The following BCL2L14 variants were observed in gnomAD, a reference collection of about 807,000 sequenced individuals.
BCL2L14 encodes the protein BCL2 like 14.
BCL2L14 carries 27 observed loss-of-function variants against 35.3 expected under a neutral mutation model. That is an observed-to-expected ratio of 0.76 (90% CI 0.56 to 1.05). The LOEUF (loss-of-function observed/expected upper bound fraction) is 1.05, where lower values mean the gene tolerates loss of function less well. Among genes scored for constraint, BCL2L14 ranks in the 50% least tolerant of loss-of-function variants. The pLI is 0.00. For synonymous variants in BCL2L14, 139 were observed against 145.9 expected, an observed-to-expected ratio of 0.95 and a Z score of 0.34; for missense variants, 377 against 382.6, an observed-to-expected ratio of 0.99 and a Z score of 0.12.
intron 5 of BCL2L14, chr12:12,096,324 T>A (rs1949310627): frequency 3.7e-6 from 1 of 267,910 alleles, no homozygotes; most frequent in African/African-American, 2.3e-5. Flanking sequence ...ATACCATAAA[T>A]ATGCTATTAA....
intron 2 of BCL2L14, chr12:12,054,962 G>C (rs949827759): frequency 7.5e-5 from 9 of 120,106 alleles, no homozygotes; most frequent in African/African-American, 2.6e-4. Context: ...AAAAAAAAAA[G>C]AATAAAGAAA....
At chr12:12,089,014 G>C (rs772225011) in intron 3 of BCL2L14, among the ~76,000 whole-genome samples, 29 of 152,238 alleles carry the variant, frequency 1.9e-4, no homozygotes, top group Non-Finnish European at 2.2e-4. Flanking sequence ...AGCTGTGCCA[G>C]CAACTTTCCC....
intron 1 of BCL2L14, among the ~76,000 whole-genome samples, chr12:12,075,006 A>G (rs1948748656): frequency 6.6e-6 from 1 of 152,126 alleles, no homozygotes; most frequent in South Asian, 2.1e-4. Flanking sequence ...GTTCTCTATC[A>G]TCTCAAAGAT....
intron 3 of BCL2L14, 111 bp from the exon 4 acceptor site, chr12:12,090,668 C>A: frequency 9.2e-6 from 6 of 652,814 alleles, no homozygotes; most frequent in South Asian, 2.5e-5. Flanking sequence ...AAAGAATTAG[C>A]ATGCCTCTTC....
chr12:12,075,363 G>T lies in BCL2L14; in HGVS notation c.-7-3936G>T, dbSNP rs548379139. On this transcript the variant is annotated intron_variant, in intron 1 of 5. Transcript: ENST00000308721. Reference sequence around the variant, plus strand: ...CTCTTGAACTCCTGCCTCCCAAAGTGCTGGGATTACAGGCGTGAACGATTG... The same window carrying T: ...CTCTTGAACTCCTGCCTCCCAAAGTTCTGGGATTACAGGCGTGAACGATTG... Among the ~76,000 whole-genome samples, 45 of 151,938 alleles carry T rather than the reference G, an allele frequency of 3.0e-4. 1 individual carries two copies. The highest frequency in any genetic ancestry group is 1.2e-3 in the Admixed American group (19 of 15,234).
intron 4 of BCL2L14, 149 bp from the exon 5 acceptor site, chr12:12,094,515 C>T (rs1225244363): frequency 2.6e-5 from 42 of 1,614,112 alleles, no homozygotes; most frequent in Non-Finnish European, 3.4e-5. Context: ...CTGCAGGACA[C>T]TGCCTTCATC....
chr12:12,094,213 T>G (rs1488971078), intron 4 of BCL2L14, among the ~76,000 whole-genome samples: 1 of 152,184 alleles, frequency 6.6e-6, no homozygotes, highest in Admixed American at 6.5e-5. Context: ...TCCCCAAGAT[T>G]GCATAGCTAA....
At chr12:12,073,027 C>T (rs1053491720) in intron 1 of BCL2L14, among the ~76,000 whole-genome samples, 4 of 152,120 alleles carry the variant, frequency 2.6e-5, no homozygotes, top group East Asian at 1.9e-4. Flanking sequence ...GCTGGGACTG[C>T]AGGTGCACAC....
chr12:12,087,591 C>T (rs1410543216), intron 3 of BCL2L14, among the ~76,000 whole-genome samples: 1 of 152,228 alleles, frequency 6.6e-6, no homozygotes, highest in Non-Finnish European at 1.5e-5. Context: ...AAAAACATTC[C>T]CAGCTCTCTG....
intron 4 of BCL2L14, 45 bp downstream of exon 4, chr12:12,090,894 C>A (rs2287156): frequency 0.026 from 37,302 of 1,449,508 alleles, 908 homozygotes; most frequent in African/African-American, 0.12. Context: ...TGTGCCCATG[C>A]ACTAGTACAC....
Position 12,051,795 on chromosome 12 carries a change from G to C in BCL2L14, c.-323-1G>C, listed in dbSNP as rs543460049. On this transcript the variant is annotated splice_acceptor_variant, in intron 1 of 3. Coordinates refer to the BCL2L14 transcript ENST00000461264. LOFTEE classifies it low-confidence loss of function (5UTR_SPLICE). ...GCGAATATTATCTCCTTGCTCTTTA[G>C]GCAAACAGGGTGAAGACAAGAGGCA... is the stretch of plus-strand genomic sequence containing the variant. The C allele has an allele frequency of 2.6e-5, 4 of 152,182 alleles. No homozygotes were observed. Among genetic ancestry groups the C allele is most frequent in the African/African-American group, 9.7e-5 (4 of 41,432 alleles). 9.4% of individuals were successfully genotyped at this position (152,182 alleles called of 1,614,324 possible).
intron 2 of BCL2L14, 53 bp downstream of exon 2, chr12:12,079,791 T>C (rs1161870695): frequency 6.5e-7 from 1 of 1,549,666 alleles, no homozygotes; most frequent in Non-Finnish European, 8.8e-7. Context: ...CCCTTCTTTG[T>C]GTCCAGAGTG....
chr12:12,099,121 G>A lies in BCL2L14; in HGVS notation c.*133G>A. ...ACGTTTTCAAAACCATTATTCCTGTGACTGGAGAGGCATCAGGAGAGGTCT... is the reference window on the plus strand; with the variant it reads ...ACGTTTTCAAAACCATTATTCCTGTAACTGGAGAGGCATCAGGAGAGGTCT... On this transcript the variant is annotated 3_prime_UTR_variant, in exon 6 of 6. Coordinates refer to ENST00000308721, the MANE Select transcript of BCL2L14 (RefSeq NM_138723.2). The A allele has an allele frequency of 1.5e-6, 1 of 671,700 alleles. No homozygotes were observed. The highest frequency in any genetic ancestry group is 2.7e-6 in the Non-Finnish European group (1 of 374,406). 41.6% of individuals were successfully genotyped at this position (671,700 alleles called of 1,614,324 possible).
chr12:12,051,217 C>A (rs757322201), intron 1 of BCL2L14, among the ~76,000 whole-genome samples: 2 of 152,110 alleles, frequency 1.3e-5, no homozygotes, highest in Non-Finnish European at 2.9e-5. Context: ...CAGCTTCTTG[C>A]AGACTAGACT....
chr12:12,062,570 C>A (rs1948541941), intron 2 of BCL2L14, among the ~76,000 whole-genome samples: 1 of 151,612 alleles, frequency 6.6e-6, no homozygotes, highest in East Asian at 1.9e-4. Flanking sequence ...CCCTACACAT[C>A]AAGCTTGAGG....
chr12:12,056,665 C>A (rs1402111863), intron 2 of BCL2L14, among the ~76,000 whole-genome samples: 1 of 152,164 alleles, frequency 6.6e-6, no homozygotes, highest in East Asian at 1.9e-4. Flanking sequence ...GAAACCCCAT[C>A]TCTACTAAAA....
chr12:12,061,990 A>G (rs1359054573), intron 2 of BCL2L14, among the ~76,000 whole-genome samples: 1 of 152,192 alleles, frequency 6.6e-6, no homozygotes, highest in Non-Finnish European at 1.5e-5. Flanking sequence ...CTATGCAAAC[A>G]ACTTGACCTT....
chr12:12,084,113 CTTTTA>C (rs1304253700), intron 2 of BCL2L14, among the ~76,000 whole-genome samples: 3 of 152,080 alleles, frequency 2.0e-5, no homozygotes, highest in Non-Finnish European at 2.9e-5. Context: ...ATTCAGCTCC[CTTTTA>C]TTTTATTATT....
chr12:12,079,842 C>A, intron 2 of BCL2L14, 104 bp downstream of exon 2: 1 of 1,165,966 alleles, frequency 8.6e-7, no homozygotes, highest in Non-Finnish European at 1.2e-6. Context: ...TTAGAGAAGG[C>A]ATGCGTTGTG....
Sources: allele counts gnomAD v4.1 joint callset (sites outside exome capture counted in the v4.1 genomes callset), GRCh38; gene constraint gnomAD v4.1.1; transcripts MANE v1.5; gene names NCBI Gene and HGNC (gene_info 2026-07-23, HGNC 2026-07-21).